YTHDF3: variants seen among roughly 807,000 people sequenced by gnomAD.
YTHDF3 encodes the protein YTH domain-containing family protein 3.
In YTHDF3, 9 loss-of-function variants were observed where a neutral mutation model predicts 52.5. The observed-to-expected ratio is 0.17, with a 90% CI of 0.10 to 0.30. YTHDF3 has a LOEUF of 0.30. YTHDF3 is among the 10% of genes least tolerant of loss of function. The pLI, the probability that YTHDF3 is intolerant of heterozygous loss-of-function variation, is 1.00. For missense variants in YTHDF3, 534 were observed against 715.0 expected (o/e 0.75, Z 2.89); for synonymous variants, 274 against 243.3 (o/e 1.13, Z -1.18).
chr8:63,182,493 G>A (rs1808208402), intron 3 of YTHDF3, among the ~76,000 whole-genome samples: 2 of 152,036 alleles, frequency 1.3e-5, no homozygotes, highest in African/African-American at 4.8e-5. Flanking sequence ...TATACTATGG[G>A]TATAGACAAA....
At position 63,187,069 on chromosome 8, in the gene YTHDF3, G is replaced by A. The variant is rs1272869293; in HGVS notation, c.1058G>A (p.Arg353His). The A allele has an allele frequency of 1.9e-6, 3 of 1,613,646 alleles. No individual in the cohort carries two copies. The highest frequency in any genetic ancestry group is 1.1e-5 in the South Asian group (1 of 91,046). Residue 353 changes from arginine (R) to histidine (H), a missense_variant, in exon 4 of 5, where the codon CGC becomes CAC. Transcript: ENST00000539294. ...VQPQQQQLQN[R>H]WVAPRNRGAG... The stretch of plus-strand genomic sequence containing the variant: ...CCTCAACAGCAGCAGCTGCAGAATC[G>A]CTGGGTAGCTCCTCGTAACAGGGGA...
intron 4 of YTHDF3, among the ~76,000 whole-genome samples, chr8:63,205,436 CTTT>C (rs908105956): frequency 5.0e-5 from 7 of 139,664 alleles, no homozygotes; most frequent in Admixed American, 7.2e-5. Context: ...CTTTTTCTTT[CTTT>C]TTTTTTTTTT....
chr8:63,183,977 C>A (rs1044392890), intron 3 of YTHDF3, among the ~76,000 whole-genome samples: 5 of 152,086 alleles, frequency 3.3e-5, no homozygotes, highest in African/African-American at 9.7e-5. Flanking sequence ...TTTATAATAC[C>A]TAATACAGTG....
chr8:63,187,201 A>G lies in YTHDF3; in HGVS notation c.1190A>G (p.Lys397Arg). 1.2e-6 allele frequency: 2 copies of G among 1,614,068 alleles called. No homozygotes were observed. Among genetic ancestry groups the G allele is most frequent in the Non-Finnish European group, 1.7e-6 (2 of 1,179,906 alleles). The change falls in exon 4 of 5, where the codon AAG becomes AGG. Residue 397 changes from lysine to arginine, a missense_variant. Lys to Arg is a conservative substitution (Grantham distance 26). This residue lies in a region of YTHDF3 where 203 missense variants were observed against 201.3 expected (regional missense o/e 1.01). Coordinates refer to ENST00000539294, the MANE Select transcript of YTHDF3 (RefSeq NM_152758.6). ...GTAGAAGTGCATCCCGTGCTGGAAAAGCTAAAGGCCATAAACAACTATAAT... is the reference window on the plus strand; with the variant it reads ...GTAGAAGTGCATCCCGTGCTGGAAAGGCTAAAGGCCATAAACAACTATAAT... Reference protein sequence around the residue: ...SSVEVHPVLEKLKAINNYNPK... With the variant: ...SSVEVHPVLERLKAINNYNPK...
rs766744297 is a variant in YTHDF3 at position 63,186,128 on chromosome 8, G to A, written c.136-19G>A. The A allele has an allele frequency of 5.1e-6, 8 of 1,583,310 alleles. No individual in the cohort carries two copies. In the South Asian group the frequency reaches 9.1e-5, roughly 18 times the overall value. On this transcript the variant is annotated intron_variant, in intron 3 of 4. Coordinates refer to ENST00000539294, the MANE Select transcript of YTHDF3 (RefSeq NM_152758.6). ...TTAAGAGGACATTTCGCTACTGATT[G>A]TGATATTTTGTTTTGCAGAGTAACA...
chr8:63,208,986 G>A (rs1810211485), intron 4 of YTHDF3, among the ~76,000 whole-genome samples: 2 of 152,100 alleles, frequency 1.3e-5, no homozygotes, highest in African/African-American at 2.4e-5. Context: ...TCCTGCTTCA[G>A]CCTCCCCAGT....
intron 4 of YTHDF3, among the ~76,000 whole-genome samples, chr8:63,190,617 G>A (rs571575273): frequency 6.6e-6 from 1 of 152,250 alleles, no homozygotes; most frequent in Non-Finnish European, 1.5e-5. Context: ...GCCTACTCTT[G>A]TGCCAGTGAC....
At chr8:63,176,331 G>A (rs1462282548) in intron 3 of YTHDF3, among the ~76,000 whole-genome samples, 1 of 152,172 alleles carries the variant, frequency 6.6e-6, no homozygotes, top group African/African-American at 2.4e-5. Context: ...GCCCAGGCTG[G>A]AGTGCAGTGG....
chr8:63,178,728 A>G (rs1807867406), intron 3 of YTHDF3, among the ~76,000 whole-genome samples: 1 of 152,252 alleles, frequency 6.6e-6, no homozygotes, highest in Non-Finnish European at 1.5e-5. Context: ...AGAATGTTGA[A>G]AACTGGGTTT....
chr8:63,196,938 T>A (rs759035860), intron 4 of YTHDF3, among the ~76,000 whole-genome samples: 1 of 152,104 alleles, frequency 6.6e-6, no homozygotes, highest in Non-Finnish European at 1.5e-5. Flanking sequence ...AGAACAAATA[T>A]CTCTCAGCAG....
chr8:63,205,178 C>T (rs1472208879), intron 4 of YTHDF3, among the ~76,000 whole-genome samples: 1 of 152,064 alleles, frequency 6.6e-6, no homozygotes, highest in South Asian at 2.1e-4. Context: ...TCAGTTTTTC[C>T]TCAAGAGATT....
chr8:63,194,381 A>T (rs1469017572), intron 4 of YTHDF3, among the ~76,000 whole-genome samples: 1 of 152,226 alleles, frequency 6.6e-6, no homozygotes, highest in African/African-American at 2.4e-5. Context: ...TCTACTCGGG[A>T]GACTGAGGCA....
In YTHDF3 at chr8:63,211,239, G is replaced by A. The variant is rs1411167861; in HGVS notation, c.*1533G>A. 6.6e-6 allele frequency: 1 copy of A among 152,338 alleles called. No homozygotes were observed. The highest frequency in any genetic ancestry group is 2.4e-5 in the African/African-American group (1 of 41,366). The allele number at this position is 152,338 out of a possible 1,614,324, so 9.4% of individuals were successfully genotyped here. ...ACTGTATTCAAGTGAAAAAAATACA[G>A]TATTTGTAGATAACCATAGCTACTA... On this transcript the variant is annotated 3_prime_UTR_variant, in exon 5 of 5. Coordinates refer to ENST00000539294, the MANE Select transcript of YTHDF3 (RefSeq NM_152758.6).
Position 63,169,416 on chromosome 8 carries a change from G to A in YTHDF3, c.49+5G>A. 6.3e-7 allele frequency: 1 copy of A among 1,595,560 alleles called. No individual in the cohort carries two copies. The highest frequency in any genetic ancestry group is 1.3e-5 in the African/African-American group (1 of 74,728). On this transcript the variant is annotated splice_donor_5th_base_variant and intron_variant, in intron 2 of 4. Transcript: ENST00000539294. ...CTAAAGGGCAAGGAAATAAAGGTGA[G>A]TTTGGATTTTTTTTTTTCTTATTGC...
intron 4 of YTHDF3, among the ~76,000 whole-genome samples, chr8:63,201,349 GTC>G (rs534409248): frequency 1.4e-4 from 21 of 152,052 alleles, no homozygotes; most frequent in African/African-American, 5.1e-4. Context: ...CATAGACCCT[GTC>G]TCTATATTTA....
At chr8:63,171,726 A>G (rs1807339836) in intron 2 of YTHDF3, among the ~76,000 whole-genome samples, 1 of 152,194 alleles carries the variant, frequency 6.6e-6, no homozygotes, top group Admixed American at 6.5e-5. Context: ...TTGAACTGCA[A>G]CCTCAGTATT....
chr8:63,169,290 T>C (rs890427875), intron 1 of YTHDF3, 97 bp from the exon 2 acceptor site: 1 of 1,481,092 alleles, frequency 6.8e-7, no homozygotes, highest in Non-Finnish European at 9.2e-7. Context: ...ACGCGGATAG[T>C]CTAAAATAAC....
chr8:63,179,720 A>C (rs2130025072), intron 3 of YTHDF3, among the ~76,000 whole-genome samples: 1 of 152,022 alleles, frequency 6.6e-6, no homozygotes, highest in African/African-American at 2.4e-5. Context: ...GCCCGTTCTC[A>C]ATGAGCCGCT....
At position 63,198,358 on chromosome 8, in the gene YTHDF3, C is replaced by T. The variant is rs906450680; in HGVS notation, c.1734+10613C>T. ...CTGGGCTCACTGCAGTCTCCACCTT[C>T]GGGATTCAAACGATTCTCATGCCTC... On this transcript the variant is annotated intron_variant, in intron 4 of 4. Coordinates refer to ENST00000539294, the MANE Select transcript of YTHDF3 (RefSeq NM_152758.6). Among the ~76,000 whole-genome samples the T allele has an allele frequency of 4.6e-5, 7 of 152,120 alleles. 1 individual carries two copies. The highest frequency in any genetic ancestry group is 9.7e-5 in the African/African-American group (4 of 41,408).
Sources: allele counts gnomAD v4.1 joint callset (sites outside exome capture counted in the v4.1 genomes callset), GRCh38; gene constraint gnomAD v4.1.1; regional missense constraint gnomAD v4.1.1; transcripts MANE v1.5; gene names NCBI Gene and HGNC (gene_info 2026-07-23, HGNC 2026-07-21).